Variants in ABCA12 observed in about 807,000 individuals in gnomAD.
ABCA12 encodes glucosylceramide transporter ABCA12.
Under a neutral mutation model 293.5 loss-of-function variants are expected in ABCA12, and 156 were observed. The observed-to-expected ratio is 0.53, with a 90% CI of 0.47 to 0.61. The LOEUF (loss-of-function observed/expected upper bound fraction) is 0.61, where lower values mean the gene tolerates loss of function less well. Ranked by LOEUF, ABCA12 falls within the 20% of genes least tolerant of loss-of-function variation. ABCA12 has a pLI of 0.00. For missense variants in ABCA12, 2,797 were observed against 3,090.2 expected, an observed-to-expected ratio of 0.91 and a Z score of 2.25; for synonymous variants, 1,063 against 1,108.0, an observed-to-expected ratio of 0.96 and a Z score of 0.81.
rs747604210 is a variant in ABCA12 at position 215,105,578 on chromosome 2, G to GACACAC, written c.163+6013_163+6018dup. ...GAAAGAGTTGGAGTTAGGGCTTCAA[G>GACACAC]ACACACACACACACACACACACGCA... On this transcript the variant is annotated intron_variant, in intron 2 of 52. Transcript: ENST00000272895. Among the ~76,000 whole-genome samples the GACACAC allele has an allele frequency of 1.4e-3, 204 of 142,804 alleles. 2 individuals are homozygous for GACACAC. Among genetic ancestry groups the GACACAC allele is most frequent in the African/African-American group, 4.7e-3 (175 of 37,542 alleles). 93.7% of individuals were successfully genotyped at this position (142,804 alleles called of 152,430 possible).
At chr2:215,044,811 A>AGGGCTTAT (rs1389259068) in intron 7 of ABCA12, among the ~76,000 whole-genome samples, 1 of 152,196 alleles carries the variant, frequency 6.6e-6, no homozygotes, top group East Asian at 1.9e-4. Context: ...TATCAATACA[A>AGGGCTTAT]GGGCTTATTA....
intron 1 of ABCA12, among the ~76,000 whole-genome samples, chr2:215,131,792 TG>T (rs1443045103): frequency 4.3e-4 from 65 of 151,492 alleles, no homozygotes; most frequent in African/African-American, 1.4e-3. Context: ...TATTTTATTT[TG>T]CTCTTGTTTT....
chr2:214,948,417 T>C (rs1369055830), intron 47 of ABCA12, among the ~76,000 whole-genome samples, 179 bp downstream of exon 47: 1 of 150,920 alleles, frequency 6.6e-6, no homozygotes, highest in Non-Finnish European at 1.5e-5. Flanking sequence ...ATAATGCACA[T>C]GACCAAACTA....
intron 2 of ABCA12, chr2:215,082,738 T>C (rs1701967950): frequency 6.6e-6 from 1 of 152,324 alleles, no homozygotes; most frequent in African/African-American, 2.4e-5. Context: ...GCCAGTCCTG[T>C]TGTAGTTTTC....
At chr2:215,094,014 T>C (rs1365225699) in intron 2 of ABCA12, among the ~76,000 whole-genome samples, 2 of 152,174 alleles carry the variant, frequency 1.3e-5, no homozygotes, top group Non-Finnish European at 2.9e-5. Context: ...GTATCTTCCA[T>C]ATCTATCGTT....
At position 215,012,051 on chromosome 2, in the gene ABCA12, C is replaced by T. The variant is rs1204306804; in HGVS notation, c.2041G>A (p.Ala681Thr). The change falls in exon 16 of 53, where the codon GCT (alanine) becomes ACT (threonine). Residue 681 changes from alanine to threonine, a missense_variant. Physicochemically the swap from Ala to Thr is moderately conservative, Grantham distance 58 (BLOSUM62 0). Transcript: ENST00000272895. ...IRLKEILNQMASGTHPLLDKM... is the reference protein window; with the variant it reads ...IRLKEILNQMTSGTHPLLDKM... ...TCTAGCAGCGGATGTGTGCCAGAAG[C>T]CATCTGATTGAGAATCTCTTTTAGT... The T allele has an allele frequency of 6.2e-7, 1 of 1,613,776 alleles. No individual in the cohort carries two copies. The highest frequency in any genetic ancestry group is 8.5e-7 in the Non-Finnish European group (1 of 1,179,898).
chr2:215,089,764 T>A (rs1702104485), intron 2 of ABCA12, among the ~76,000 whole-genome samples: 1 of 152,218 alleles, frequency 6.6e-6, no homozygotes, highest in African/African-American at 2.4e-5. Flanking sequence ...TAGGATAATT[T>A]ACATTAGCAG....
intron 22 of ABCA12, among the ~76,000 whole-genome samples, chr2:214,998,573 A>G (rs1700081473): frequency 6.6e-6 from 1 of 152,228 alleles, no homozygotes. Context: ...TCAACTAGAG[A>G]ATCACTGGAA....
intron 2 of ABCA12, among the ~76,000 whole-genome samples, chr2:215,067,476 G>C (rs764173189): frequency 2.6e-5 from 4 of 152,146 alleles, no homozygotes; most frequent in Admixed American, 6.6e-5. Flanking sequence ...TTTTGAGATA[G>C]AGTGTTTAAG....
At chr2:214,935,292 A>T (rs149028280) in intron 51 of ABCA12, among the ~76,000 whole-genome samples, 10 of 152,246 alleles carry the variant, frequency 6.6e-5, no homozygotes, top group African/African-American at 1.9e-4. Flanking sequence ...ACTTTTTATT[A>T]TCACTGCATT....
intron 10 of ABCA12, 62 bp from the exon 11 acceptor site, chr2:215,025,841 T>C: frequency 8.8e-7 from 1 of 1,139,598 alleles, no homozygotes; most frequent in South Asian, 1.2e-5. Context: ...GAAACCAGTT[T>C]GAAAGACACC....
intron 23 of ABCA12, among the ~76,000 whole-genome samples, chr2:214,996,975 G>A (rs1700048511): frequency 6.6e-6 from 1 of 152,150 alleles, no homozygotes; most frequent in African/African-American, 2.4e-5. Context: ...GGGATAAGTA[G>A]ATAAAATAAT....
At position 214,986,133 on chromosome 2, in the gene ABCA12, T is replaced by G. The variant is rs185263589; in HGVS notation, c.4163+409A>C. Among the ~76,000 whole-genome samples, 25 of 152,218 alleles carry G rather than the reference T, an allele frequency of 1.6e-4. No individual in the cohort carries two copies. The East Asian group carries it at 2.7e-3, about 16-fold the overall frequency. ...ATGCCAGGTTAGAAATGCAAATAAATGAAACAGGGTGGGTGTATGAAGCAG... is the reference window on the plus strand; with the variant it reads ...ATGCCAGGTTAGAAATGCAAATAAAGGAAACAGGGTGGGTGTATGAAGCAG... On this transcript the variant is annotated intron_variant, in intron 28 of 52. Coordinates refer to ENST00000272895, the MANE Select transcript of ABCA12 (RefSeq NM_173076.3).
intron 1 of ABCA12, among the ~76,000 whole-genome samples, chr2:215,117,731 C>T (rs1372776531): frequency 3.9e-5 from 6 of 152,100 alleles, no homozygotes; most frequent in Non-Finnish European, 8.8e-5. Flanking sequence ...AAATAAGATA[C>T]AGGTGAATTT....
chr2:215,010,519 C>G, intron 17 of ABCA12, 49 bp from the exon 18 acceptor site: 1 of 1,595,166 alleles, frequency 6.3e-7, no homozygotes, highest in Non-Finnish European at 8.6e-7. Context: ...TACTTCAAAT[C>G]CATTTCCACA....
intron 9 of ABCA12, among the ~76,000 whole-genome samples, chr2:215,030,574 A>C (rs1700853708): frequency 6.7e-6 from 1 of 150,186 alleles, no homozygotes; most frequent in Non-Finnish European, 1.5e-5. Context: ...ACTGCACTCC[A>C]GCCTGGGCGA....
At chr2:215,061,155 T>C (rs1242888435) in intron 3 of ABCA12, among the ~76,000 whole-genome samples, 1 of 152,042 alleles carries the variant, frequency 6.6e-6, no homozygotes, top group African/African-American at 2.4e-5. Context: ...GTTGTGCAAA[T>C]GAGCAAGAAA....
Position 214,948,908 on chromosome 2 carries a change from C to T in ABCA12, c.6962+132G>A, listed in dbSNP as rs1698664650. On this transcript the variant is annotated intron_variant, in intron 46 of 52. Coordinates refer to ENST00000272895, the MANE Select transcript of ABCA12 (RefSeq NM_173076.3). Reference sequence around the variant, plus strand: ...CATTTAAACATTTAAACATTTCCACCCACCTTAATAGCTTTGTTCTCCCCT... The same window carrying T: ...CATTTAAACATTTAAACATTTCCACTCACCTTAATAGCTTTGTTCTCCCCT... The T allele has an allele frequency of 3.5e-6, 4 of 1,135,038 alleles. No individual in the cohort carries two copies. In the East Asian group the frequency reaches 7.6e-5, roughly 21 times the overall value. The allele number at this position is 1,135,038 out of a possible 1,614,324, so 70.3% of individuals were successfully genotyped here. A position where few individuals can be genotyped will look rare whatever the true frequency, so the allele number is the denominator to read the frequency against.
chr2:215,131,303 A>G (rs940180273), intron 1 of ABCA12, among the ~76,000 whole-genome samples: 1 of 151,938 alleles, frequency 6.6e-6, no homozygotes, highest in Non-Finnish European at 1.5e-5. Flanking sequence ...AGTTTCACCA[A>G]GATTGGTACC....
Sources: gnomAD v4.1 joint callset for allele counts (sites outside exome capture counted in the v4.1 genomes callset) on GRCh38, gnomAD v4.1.1 for gene constraint, MANE v1.5 for transcripts, NCBI Gene and HGNC (gene_info 2026-07-23, HGNC 2026-07-21) for gene names.